The following CCSER1 variants were observed in gnomAD, a reference collection of about 807,000 sequenced individuals.
CCSER1 encodes serine-rich coiled-coil domain-containing protein 1.
CCSER1 carries 41 observed loss-of-function variants against 82.0 expected under a neutral mutation model. The ratio of observed to expected loss-of-function variants is 0.50; its 90% CI spans 0.39 to 0.65. The LOEUF is 0.65. Ranked by LOEUF, CCSER1 falls within the 30% of genes least tolerant of loss-of-function variation. The pLI, the probability that CCSER1 is intolerant of heterozygous loss-of-function variation, is 0.00. For missense variants in CCSER1, 1,119 were observed against 1,064.2 expected, an observed-to-expected ratio of 1.05 and a Z score of -0.72; for synonymous variants, 414 against 383.9, an observed-to-expected ratio of 1.08 and a Z score of -0.92.
At chr4:90,316,644 C>T (rs1736216402) in intron 3 of CCSER1, among the ~76,000 whole-genome samples, 1 of 152,182 alleles carries the variant, frequency 6.6e-6, no homozygotes, top group African/African-American at 2.4e-5. Context: ...AGCATTAATG[C>T]AGCCCTTCAT....
chr4:90,429,264 C>T (rs1757953079), intron 4 of CCSER1, among the ~76,000 whole-genome samples: 1 of 151,828 alleles, frequency 6.6e-6, no homozygotes, highest in South Asian at 2.1e-4. Context: ...AAAGATGTAG[C>T]CACATTGCCA....
At chr4:91,479,894 C>G (rs199900746) in intron 10 of CCSER1, among the ~76,000 whole-genome samples, 2 of 115,474 alleles carry the variant, frequency 1.7e-5, no homozygotes, top group African/African-American at 6.5e-5. Context: ...CCTACCCCCT[C>G]CCCCCACCCC....
intron 1 of CCSER1, among the ~76,000 whole-genome samples, chr4:90,194,963 T>C (rs930058838): frequency 1.3e-5 from 2 of 152,034 alleles, no homozygotes; most frequent in African/African-American, 4.8e-5. Flanking sequence ...ATGTAAGATA[T>C]AAAAAAGGTT....
intron 10 of CCSER1, among the ~76,000 whole-genome samples, chr4:91,149,366 T>G (rs1729893489): frequency 1.3e-5 from 2 of 152,226 alleles, no homozygotes; most frequent in East Asian, 3.8e-4. Flanking sequence ...TCTTTGTAGA[T>G]TCTGGAAATT....
At chr4:91,090,476 TG>T (rs2148825120) in intron 10 of CCSER1, among the ~76,000 whole-genome samples, 1 of 152,358 alleles carries the variant, frequency 6.6e-6, no homozygotes, top group East Asian at 1.9e-4. Context: ...ATACAGTTTT[TG>T]TCCAAGACAC....
At chr4:91,555,955 A>C (rs2110237734) in intron 10 of CCSER1, among the ~76,000 whole-genome samples, 1 of 151,386 alleles carries the variant, frequency 6.6e-6, no homozygotes, top group African/African-American at 2.4e-5. Flanking sequence ...TTGAAATGAA[A>C]CGGTCAAACC....
chr4:90,575,708 A>G (rs994766180), intron 5 of CCSER1, among the ~76,000 whole-genome samples: 3 of 151,394 alleles, frequency 2.0e-5, no homozygotes, highest in African/African-American at 7.3e-5. Flanking sequence ...TTTTTTTTCT[A>G]TTTCTGGTTT....
chr4:90,237,277 A>G (rs1295856959), intron 1 of CCSER1, among the ~76,000 whole-genome samples: 1 of 152,186 alleles, frequency 6.6e-6, no homozygotes, highest in African/African-American at 2.4e-5. Flanking sequence ...GGCATTTATA[A>G]ATATTAGAGT....
chr4:90,660,099 A>C (rs1467286049), intron 6 of CCSER1, among the ~76,000 whole-genome samples: 1 of 152,056 alleles, frequency 6.6e-6, no homozygotes, highest in African/African-American at 2.4e-5. Context: ...CAGTTAGTAC[A>C]ATCTCTATAG....
intron 7 of CCSER1, among the ~76,000 whole-genome samples, chr4:90,741,405 T>C (rs1462391215): frequency 6.6e-6 from 1 of 152,174 alleles, no homozygotes; most frequent in Non-Finnish European, 1.5e-5. Flanking sequence ...CCTGTTGCTC[T>C]CAATAATTTG....
At chr4:91,294,071 A>G (rs1016504597) in intron 10 of CCSER1, among the ~76,000 whole-genome samples, 34 of 152,060 alleles carry the variant, frequency 2.2e-4, no homozygotes, top group Middle Eastern at 6.8e-3. Flanking sequence ...GGAATGGTCA[A>G]GAAGTCAAGC....
At chr4:91,501,506 T>C (rs1759209657) in intron 10 of CCSER1, among the ~76,000 whole-genome samples, 1 of 152,054 alleles carries the variant, frequency 6.6e-6, no homozygotes, top group South Asian at 2.1e-4. Flanking sequence ...AATCCATTCA[T>C]ATTCTTTTAA....
At chr4:91,551,445 C>A (rs915642384) in intron 10 of CCSER1, among the ~76,000 whole-genome samples, 1 of 151,906 alleles carries the variant, frequency 6.6e-6, no homozygotes, top group East Asian at 1.9e-4. Flanking sequence ...ATTGAAGAGC[C>A]GTATTCAATA....
intron 5 of CCSER1, among the ~76,000 whole-genome samples, chr4:90,575,740 G>A (rs1311532534): frequency 3.3e-5 from 5 of 151,786 alleles, no homozygotes; most frequent in Non-Finnish European, 7.4e-5. Flanking sequence ...CTATTCTTGT[G>A]TGTTTGTAAA....
intron 5 of CCSER1, among the ~76,000 whole-genome samples, chr4:90,493,982 G>A (rs547320226): frequency 1.1e-4 from 17 of 152,280 alleles, no homozygotes; most frequent in Admixed American, 2.0e-4. Flanking sequence ...ATTGGATAAA[G>A]AGTCAAGACC....
intron 4 of CCSER1, among the ~76,000 whole-genome samples, chr4:90,407,996 A>T (rs7683272): frequency 3.9e-5 from 6 of 152,046 alleles, no homozygotes; most frequent in Admixed American, 6.5e-5. Context: ...TATCCCGCGC[A>T]TGGCTCAGAG....
chr4:91,231,308 C>G (rs1738609567), intron 10 of CCSER1, among the ~76,000 whole-genome samples: 1 of 151,810 alleles, frequency 6.6e-6, no homozygotes, highest in Non-Finnish European at 1.5e-5. Context: ...TGTCCATTGA[C>G]TCAAGGTCAT....
chr4:90,901,308 A>G (rs1054546517), intron 8 of CCSER1, among the ~76,000 whole-genome samples: 1 of 151,780 alleles, frequency 6.6e-6, no homozygotes, highest in African/African-American at 2.4e-5. Context: ...TAATATTGAT[A>G]TGTGAGGTTT....
intron 9 of CCSER1, among the ~76,000 whole-genome samples, chr4:91,082,350 T>C (rs1722862583): frequency 6.6e-6 from 1 of 152,224 alleles, no homozygotes; most frequent in South Asian, 2.1e-4. Context: ...GAAAACTGGC[T>C]AACCATATGT....
Sources: allele counts gnomAD v4.1 joint callset (sites outside exome capture counted in the v4.1 genomes callset), GRCh38; gene constraint gnomAD v4.1.1; transcripts MANE v1.5; gene names NCBI Gene and HGNC (gene_info 2026-07-23, HGNC 2026-07-21).